Variants in KLF12 observed in about 807,000 individuals in gnomAD.
KLF12 encodes the protein Krueppel-like factor 12.
Under a neutral mutation model 37.8 loss-of-function variants are expected in KLF12, and 9 were observed. The observed-to-expected ratio is 0.24, with a 90% CI of 0.14 to 0.42. KLF12 has a LOEUF of 0.42. KLF12 is among the 10% of genes least tolerant of loss of function. KLF12 has a pLI of 1.00. For missense variants in KLF12, 411 were observed against 516.0 expected (o/e 0.80, Z 1.97); for synonymous variants, 208 against 202.1 (o/e 1.03, Z -0.25).
At chr13:74,263,886 A>G in the KLF12 span, among the ~76,000 whole-genome samples, 1 of 152,240 alleles carries the variant, frequency 6.6e-6, no homozygotes, top group African/African-American at 2.4e-5. Flanking sequence ...GGAGTATACA[A>G]TAAATATCCT....
chr13:73,802,614 C>A (rs1292870605), intron 5 of KLF12, among the ~76,000 whole-genome samples: 1 of 152,142 alleles, frequency 6.6e-6, no homozygotes, highest in Non-Finnish European at 1.5e-5. Context: ...ATTTTCCAAC[C>A]CTTGCCCTCC....
intron 3 of KLF12, among the ~76,000 whole-genome samples, chr13:73,848,655 T>C (rs1182295756): frequency 1.3e-5 from 2 of 150,992 alleles, no homozygotes; most frequent in East Asian, 1.9e-4. Context: ...TAGCTTTCAT[T>C]AGAAACTTGT....
chr13:73,943,406 T>C (rs1416578939), intron 3 of KLF12, among the ~76,000 whole-genome samples: 1 of 152,238 alleles, frequency 6.6e-6, no homozygotes, highest in South Asian at 2.1e-4. Flanking sequence ...TCATAGTCCT[T>C]GTATTTTCAG....
intron 2 of KLF12, among the ~76,000 whole-genome samples, chr13:73,974,320 A>AAAAAAAAAAAAAAAAAT (rs397704620): frequency 2.0e-5 from 3 of 151,610 alleles, no homozygotes; most frequent in Admixed American, 6.6e-5. Flanking sequence ...CAAAAAAAAA[A>AAAAAAAAAAAAAAAAAT]GAATTCTGCA....
chr13:73,937,168 G>A lies in KLF12; in HGVS notation c.123+6813C>T, dbSNP rs184057708. Among the ~76,000 whole-genome samples, 337 of 149,154 alleles carry A rather than the reference G, an allele frequency of 2.3e-3. 2 individuals carry two copies. Among genetic ancestry groups the A allele is most frequent in the African/African-American group, 7.4e-3 (299 of 40,310 alleles). Reference sequence around the variant, plus strand: ...TCGTGCCACTGTACTCCAGCCTGGCGACAGAGCGAGACTCCGTCTCAAAAA... The same window carrying A: ...TCGTGCCACTGTACTCCAGCCTGGCAACAGAGCGAGACTCCGTCTCAAAAA... On this transcript the variant is annotated intron_variant, in intron 3 of 7. Transcript: ENST00000377669.
intron 3 of KLF12, among the ~76,000 whole-genome samples, chr13:73,850,119 T>C (rs1236718308): frequency 1.3e-5 from 2 of 152,184 alleles, no homozygotes; most frequent in Non-Finnish European, 1.5e-5. Flanking sequence ...TGGAACAATA[T>C]ACTTCATTAA....
At chr13:73,914,314 C>A (rs947502120) in intron 3 of KLF12, among the ~76,000 whole-genome samples, 2 of 152,188 alleles carry the variant, frequency 1.3e-5, no homozygotes, top group Non-Finnish European at 2.9e-5. Context: ...CCAACCCACT[C>A]GTCCCCTGGG....
chr13:74,124,593 A>G (rs1259962766), intron 1 of KLF12, among the ~76,000 whole-genome samples: 1 of 152,208 alleles, frequency 6.6e-6, no homozygotes, highest in Non-Finnish European at 1.5e-5. Flanking sequence ...TGTATTCATC[A>G]GTCAACTTTC....
At chr13:73,969,682 T>C (rs1891273954) in intron 2 of KLF12, among the ~76,000 whole-genome samples, 1 of 152,164 alleles carries the variant, frequency 6.6e-6, no homozygotes, top group Admixed American at 6.5e-5. Flanking sequence ...CACTTACCTC[T>C]GTCTCCCCAG....
intron 2 of KLF12, among the ~76,000 whole-genome samples, chr13:73,959,064 G>A (rs1890936606): frequency 3.2e-5 from 4 of 126,614 alleles, no homozygotes; most frequent in Non-Finnish European, 6.3e-5. Flanking sequence ...ATTCCATGGG[G>A]ATGGCACAAC....
At chr13:73,789,870 G>A (rs1036610571) in intron 5 of KLF12, among the ~76,000 whole-genome samples, 1 of 152,014 alleles carries the variant, frequency 6.6e-6, no homozygotes, top group Non-Finnish European at 1.5e-5. Flanking sequence ...TAGAGACGGG[G>A]TTTCACCGTG....
the KLF12 span, among the ~76,000 whole-genome samples, chr13:74,162,835 G>T: frequency 6.6e-6 from 1 of 152,136 alleles, no homozygotes; most frequent in Non-Finnish European, 1.5e-5. Flanking sequence ...TGAGAAGGTA[G>T]CATGTGCACT....
chr13:73,997,704 C>T (rs1269367660), intron 1 of KLF12, among the ~76,000 whole-genome samples: 1 of 150,890 alleles, frequency 6.6e-6, no homozygotes, highest in Non-Finnish European at 1.5e-5. Flanking sequence ...TCCCAAAGCA[C>T]AGAAGTTTTA....
chr13:73,915,424 C>A (rs556914726), intron 3 of KLF12, among the ~76,000 whole-genome samples: 1 of 152,154 alleles, frequency 6.6e-6, no homozygotes, highest in South Asian at 2.1e-4. Flanking sequence ...TCCAAGATTG[C>A]CTGCCTGCCT....
intron 1 of KLF12, among the ~76,000 whole-genome samples, chr13:74,079,388 C>T (rs748176806): frequency 8.5e-5 from 13 of 152,052 alleles, no homozygotes; most frequent in Non-Finnish European, 1.5e-4. Flanking sequence ...ATTTATGTTA[C>T]GCATATTTTA....
chr13:74,239,206 G>T, the KLF12 span, among the ~76,000 whole-genome samples: 2 of 151,758 alleles, frequency 1.3e-5, no homozygotes, highest in Non-Finnish European at 2.9e-5. Context: ...GTACCCAGTA[G>T]TCATTCAGGA....
chr13:73,883,274 G>A (rs1887067588), intron 3 of KLF12, among the ~76,000 whole-genome samples: 1 of 152,132 alleles, frequency 6.6e-6, no homozygotes, highest in African/African-American at 2.4e-5. Flanking sequence ...AAAAATGAGT[G>A]ATTGAATCAG....
At chr13:73,806,814 TAGTAAC>T (rs1279374034) in intron 5 of KLF12, among the ~76,000 whole-genome samples, 1 of 152,098 alleles carries the variant, frequency 6.6e-6, no homozygotes, top group Non-Finnish European at 1.5e-5. Context: ...AGTTGCCTCT[TAGTAAC>T]AGTTCTTGTT....
At chr13:73,703,227 G>T (rs533416057) in intron 7 of KLF12, among the ~76,000 whole-genome samples, 5 of 151,968 alleles carry the variant, frequency 3.3e-5, no homozygotes, top group African/African-American at 1.2e-4. Context: ...CTCAATAAAG[G>T]ATATTTTATA....
Sources: allele counts gnomAD v4.1 joint callset (sites outside exome capture counted in the v4.1 genomes callset), GRCh38; gene constraint gnomAD v4.1.1; transcripts MANE v1.5; gene names NCBI Gene and HGNC (gene_info 2026-07-23, HGNC 2026-07-21).